MCC: variants seen among roughly 807,000 people sequenced by gnomAD.
MCC encodes MCC regulator of Wnt signaling pathway.
MCC carries 90 observed loss-of-function variants against 116.2 expected under a neutral mutation model. The ratio of observed to expected loss-of-function variants is 0.77; its 90% CI spans 0.65 to 0.92. MCC has a LOEUF of 0.92. Among genes scored for constraint, MCC ranks in the 40% least tolerant of loss-of-function variants. The pLI is 0.00. For missense variants in MCC, 1,516 were observed against 1,312.2 expected (o/e 1.16, Z -2.40); for synonymous variants, 578 against 510.5 (o/e 1.13, Z -1.78).
At chr5:113,246,244 G>A (rs1361845351) in intron 3 of MCC, among the ~76,000 whole-genome samples, 1 of 152,190 alleles carries the variant, frequency 6.6e-6, no homozygotes. Context: ...CTTGCTTGTG[G>A]AATAATCTCT....
At chr5:113,079,295 G>T (rs1340962196) in intron 11 of MCC, among the ~76,000 whole-genome samples, 1 of 152,060 alleles carries the variant, frequency 6.6e-6, no homozygotes, top group Non-Finnish European at 1.5e-5. Context: ...TCACAGAATT[G>T]GAAAAAAACT....
chr5:113,426,729 G>A (rs1367266696), intron 1 of MCC, among the ~76,000 whole-genome samples: 1 of 152,160 alleles, frequency 6.6e-6, no homozygotes, highest in African/African-American at 2.4e-5. Flanking sequence ...CCCAGAATTC[G>A]TGATGTCTCA....
chr5:113,073,293 G>C (rs928914467), intron 11 of MCC, among the ~76,000 whole-genome samples: 2 of 152,136 alleles, frequency 1.3e-5, no homozygotes, highest in African/African-American at 4.8e-5. Flanking sequence ...CACACATGGC[G>C]TGCGTGAGGC....
chr5:113,036,328 G>T (rs999894517), intron 17 of MCC, among the ~76,000 whole-genome samples: 2 of 152,220 alleles, frequency 1.3e-5, no homozygotes, highest in South Asian at 4.1e-4. Flanking sequence ...GTGAGCCACC[G>T]CGCCTGGCCT....
intron 3 of MCC, among the ~76,000 whole-genome samples, chr5:113,203,536 C>T (rs1762781274): frequency 2.0e-5 from 3 of 152,086 alleles, no homozygotes; most frequent in South Asian, 4.2e-4. Flanking sequence ...CGGGGGGCCA[C>T]CGAATACTCC....
chr5:113,105,060 T>C (rs150256395), intron 6 of MCC, among the ~76,000 whole-genome samples: 74 of 152,368 alleles, frequency 4.9e-4, no homozygotes, highest in African/African-American at 1.7e-3. Context: ...GTGATTCAGA[T>C]ATATCTTAGA....
chr5:113,275,215 T>C (rs1765778185), intron 3 of MCC, among the ~76,000 whole-genome samples: 1 of 152,178 alleles, frequency 6.6e-6, no homozygotes, highest in African/African-American at 2.4e-5. Flanking sequence ...GCTACAAAAA[T>C]AGTAACTCTG....
At chr5:113,308,961 A>G (rs1447561931) in intron 3 of MCC, among the ~76,000 whole-genome samples, 1 of 152,226 alleles carries the variant, frequency 6.6e-6, no homozygotes, top group Non-Finnish European at 1.5e-5. Flanking sequence ...CTCCATTGCT[A>G]TGGCTAGTCC....
Position 113,052,850 on chromosome 5 carries a change from A to G in MCC, c.2448+875T>C, listed in dbSNP as rs1360379681. 9.2e-5 allele frequency among the ~76,000 whole-genome samples: 14 copies of G among 152,158 alleles called. No homozygotes were observed. In the East Asian group the frequency reaches 2.7e-3, roughly 29 times the overall value. On this transcript the variant is annotated intron_variant, in intron 15 of 18. Transcript: ENST00000408903. ...CACACGCCTGGTCCTTCTGGTGACCAGCCCACATTCTGAAGCTGTCTAGGG... is the reference window on the plus strand; with the variant it reads ...CACACGCCTGGTCCTTCTGGTGACCGGCCCACATTCTGAAGCTGTCTAGGG...
chr5:113,320,530 C>G (rs10077020), intron 3 of MCC, among the ~76,000 whole-genome samples: 21,522 of 151,102 alleles, frequency 0.14, 2,424 homozygotes, highest in Admixed American at 0.28. Flanking sequence ...TGATAACCTA[C>G]AGGCCCTCTA....
At chr5:113,296,869 G>A (rs935557695) in intron 3 of MCC, among the ~76,000 whole-genome samples, 4 of 151,910 alleles carry the variant, frequency 2.6e-5, no homozygotes, top group African/African-American at 7.3e-5. Context: ...TTTTTCATAC[G>A]ACTCTACCCC....
At chr5:113,243,745 A>G (rs1039231580) in intron 3 of MCC, among the ~76,000 whole-genome samples, 8 of 152,224 alleles carry the variant, frequency 5.3e-5, no homozygotes, top group Admixed American at 2.0e-4. Flanking sequence ...CCCAGCCAGG[A>G]GCTCAGGCCT....
chr5:113,371,118 G>A (rs1381138501), intron 2 of MCC, among the ~76,000 whole-genome samples: 3 of 152,224 alleles, frequency 2.0e-5, no homozygotes, highest in Non-Finnish European at 2.9e-5. Context: ...CTACTTGGGT[G>A]GCTGAGACAG....
At chr5:113,415,831 C>T (rs1464608542) in intron 1 of MCC, among the ~76,000 whole-genome samples, 1 of 152,188 alleles carries the variant, frequency 6.6e-6, no homozygotes. Context: ...AGCTGTGATC[C>T]TTTGGAGGAG....
chr5:113,405,724 T>C (rs1164059089), intron 1 of MCC, among the ~76,000 whole-genome samples: 1 of 151,962 alleles, frequency 6.6e-6, no homozygotes, highest in Non-Finnish European at 1.5e-5. Flanking sequence ...GGAAGATCCT[T>C]TGAGCTCAGG....
At chr5:113,232,545 T>C (rs553658871) in intron 3 of MCC, among the ~76,000 whole-genome samples, 109 of 152,282 alleles carry the variant, frequency 7.2e-4, no homozygotes, top group Non-Finnish European at 1.3e-3. Flanking sequence ...AGAGACTCTG[T>C]CAGTTTACTT....
At chr5:113,383,522 T>A (rs1003854933) in intron 2 of MCC, among the ~76,000 whole-genome samples, 1 of 152,024 alleles carries the variant, frequency 6.6e-6, no homozygotes, top group African/African-American at 2.4e-5. Flanking sequence ...ATCACACACA[T>A]GACGAGAGAG....
intron 3 of MCC, among the ~76,000 whole-genome samples, chr5:113,239,130 T>A (rs1434575544): frequency 2.0e-5 from 3 of 152,232 alleles, no homozygotes; most frequent in Admixed American, 2.0e-4. Flanking sequence ...AAATTGGACA[T>A]ACAAGCTGTT....
At chr5:113,154,372 C>G (rs1581168608) in intron 3 of MCC, among the ~76,000 whole-genome samples, 1 of 152,186 alleles carries the variant, frequency 6.6e-6, no homozygotes, top group Admixed American at 6.5e-5. Flanking sequence ...CTAGAGAGAG[C>G]AGAAGTTGGA....
Sources: allele counts gnomAD v4.1 joint callset (sites outside exome capture counted in the v4.1 genomes callset), GRCh38; gene constraint gnomAD v4.1.1; transcripts MANE v1.5; gene names NCBI Gene and HGNC (gene_info 2026-07-23, HGNC 2026-07-21).